Variants in CSRNP1 observed in about 807,000 individuals in gnomAD.
CSRNP1 encodes cysteine/serine-rich nuclear protein 1.
CSRNP1 carries 8 observed loss-of-function variants against 25.0 expected under a neutral mutation model. The ratio of observed to expected loss-of-function variants is 0.32; its 90% confidence interval spans 0.19 to 0.58. The LOEUF is 0.58. CSRNP1 is among the 20% of genes least tolerant of loss of function. CSRNP1 has a pLI of 0.88. For synonymous variants in CSRNP1, 305 were observed against 303.1 expected (o/e 1.01, Z -0.06); for missense variants, 691 against 773.1 (o/e 0.89, Z 1.26).
intron 1 of CSRNP1, 170 bp downstream of exon 1, chr3:39,153,268 C>T (rs2039609732): frequency 1.3e-5 from 2 of 153,318 alleles, no homozygotes; most frequent in Admixed American, 6.5e-5. Context: ...GGGCCCCCGG[C>T]CCCCGACTCC....
rs1252764791 is a variant in CSRNP1, at chr3:39,144,542, A to ACC, written c.466-93_466-92dup. The ACC allele has an allele frequency of 2.4e-6, 3 of 1,270,974 alleles. No homozygotes were observed. In the African/African-American group the frequency reaches 4.6e-5, roughly 19 times the overall value. 78.7% of individuals were successfully genotyped at this position (1,270,974 alleles called of 1,614,324 possible). ...CTAGACAAACCCTCCCCAAGTGCTT[A>ACC]CCCCCCCACTACTCGTGCTTAATCT... On this transcript the variant is annotated intron_variant, in intron 3 of 4. Transcript: ENST00000273153.
intron 1 of CSRNP1, chr3:39,153,157 C>T (rs2039608062): frequency 6.6e-6 from 1 of 152,546 alleles, no homozygotes; most frequent in Non-Finnish European, 1.5e-5. Flanking sequence ...GCAAGCCCGG[C>T]TCTGTCCCCA....
Position 39,143,770 on chromosome 3 carries a change from A to T in CSRNP1, c.1055T>A (p.Met352Lys), listed in dbSNP as rs769511465. The T allele has an allele frequency of 6.2e-7, 1 of 1,614,086 alleles. No individual in the cohort carries two copies. The highest frequency in any genetic ancestry group is 1.1e-5 in the South Asian group (1 of 91,080). ...TGAAGATGCTGTAGAAGAATCAGTCATGTCGCTGCTGCAGCTGTTGTCTCC... is the reference window on the plus strand; with the variant it reads ...TGAAGATGCTGTAGAAGAATCAGTCTTGTCGCTGCTGCAGCTGTTGTCTCC... ...ELGDNSCSSD[M>K]TDSSTASSSA... Residue 352 changes from methionine to lysine, a missense_variant, in exon 5 of 5, where the codon ATG becomes AAG. Met to Lys is a moderately conservative substitution (Grantham distance 95). Coordinates refer to ENST00000273153, the MANE Select transcript of CSRNP1 (RefSeq NM_033027.4).
chr3:39,146,259 C>T (rs1304631966), intron 2 of CSRNP1, among the ~76,000 whole-genome samples: 2 of 152,196 alleles, frequency 1.3e-5, no homozygotes, highest in African/African-American at 4.8e-5. Flanking sequence ...TGCAGAGCTG[C>T]ATCCCGGATG....
In CSRNP1 at chr3:39,145,083, CA is replaced by C; in HGVS notation, c.378del (p.Glu127SerfsTer18). The C allele has an allele frequency of 6.2e-7, 1 of 1,614,286 alleles. No individual in the cohort carries two copies. Among genetic ancestry groups the C allele is most frequent in the African/African-American group, 1.3e-5 (1 of 75,072 alleles). ...GCACGGGCTTGCTCCTGCGCAAACT[CA>C]GCCAAAGAGAAGCGACGGCAAGCAC... ...RHSACRRFSL[A>X]EFAQEQARAR... On this transcript the variant is annotated frameshift_variant, in exon 3 of 5. Transcript: ENST00000273153. LOFTEE classifies it high-confidence loss of function.
intron 1 of CSRNP1, chr3:39,153,127 C>G (rs2039607644): frequency 6.6e-6 from 1 of 152,556 alleles, no homozygotes; most frequent in Admixed American, 6.5e-5. Flanking sequence ...CGCACGCCCC[C>G]GTCGCCTCGC....
At chr3:39,152,936 A>C (rs2039604278) in intron 1 of CSRNP1, 1 of 152,026 alleles carries the variant, frequency 6.6e-6, no homozygotes, top group South Asian at 2.0e-4. Context: ...CTCTACGCTC[A>C]TCCCTCCACT....
intron 1 of CSRNP1, chr3:39,152,111 TG>T (rs2039589427): frequency 1.3e-5 from 2 of 152,562 alleles, no homozygotes; most frequent in South Asian, 4.1e-4. Flanking sequence ...AGTGGGGTGC[TG>T]GGATGGAGGG....
At chr3:39,151,530 C>T (rs1478309977) in intron 1 of CSRNP1, 4 of 152,538 alleles carry the variant, frequency 2.6e-5, no homozygotes, top group African/African-American at 9.6e-5. Flanking sequence ...CAGGCCTCAA[C>T]CCAAGCCAGT....
Position 39,144,271 on chromosome 3 carries a change from C to T in CSRNP1, c.646G>A (p.Val216Met). The change falls in exon 4 of 5, where the codon GTG becomes ATG. Residue 216 changes from valine to methionine, a missense_variant. Coordinates refer to ENST00000273153, the MANE Select transcript of CSRNP1 (RefSeq NM_033027.4). ...TTCTCCTCCCGATCGATCCTTCGCACACCTGAAGCCCTCAGCAGAGCTCGA... is the reference window on the plus strand; with the variant it reads ...TTCTCCTCCCGATCGATCCTTCGCATACCTGAAGCCCTCAGCAGAGCTCGA... ...RRRALLRASG[V>M]RRIDREEKRE... The T allele has an allele frequency of 6.2e-7, 1 of 1,614,198 alleles. No individual in the cohort carries two copies. Among genetic ancestry groups the T allele is most frequent in the Non-Finnish European group, 8.5e-7 (1 of 1,180,038 alleles).
rs555278688 is a variant in CSRNP1, at chr3:39,147,215, G to T, written c.-40-493C>A. On this transcript the variant is annotated intron_variant, in intron 1 of 4. Coordinates refer to ENST00000273153, the MANE Select transcript of CSRNP1 (RefSeq NM_033027.4). ...ACACAGCTTGCATCTGTGTGCCTGT[G>T]TGTGTGTGTGTGTGTGTGTGTATGT... Among the ~76,000 whole-genome samples, 92 of 118,334 alleles carry T rather than the reference G, an allele frequency of 7.8e-4. No homozygotes were observed. The South Asian group carries it at 0.012, about 15-fold the overall frequency. The allele number at this position is 118,334 out of a possible 152,430, so 77.6% of individuals were successfully genotyped here.
In CSRNP1 at chr3:39,145,117, A is replaced by G; in HGVS notation, c.345T>C (p.Leu115=). The change falls in exon 3 of 5, where the codon CTT becomes CTC. Residue 115 remains leucine (L), a synonymous_variant. Transcript: ENST00000273153. ...AGAAGCGACGGCAAGCACTGTGGCG[A>G]AGGGCCATACCCAGAGTACAGCCAC... ...SRGGCTLGMA[L]RHSACRRFSL... is the part of the protein sequence containing the mutation. 1 of 1,614,280 alleles carries G rather than the reference A, an allele frequency of 6.2e-7. No individual in the cohort carries two copies. The highest frequency in any genetic ancestry group is 1.1e-5 in the South Asian group (1 of 91,092).
intron 1 of CSRNP1, among the ~76,000 whole-genome samples, chr3:39,147,211 C>G (rs901115885): frequency 6.7e-6 from 1 of 148,458 alleles, no homozygotes; most frequent in African/African-American, 2.5e-5. Context: ...ATCTGTGTGC[C>G]TGTGTGTGTG....
upstream of CSRNP1, chr3:39,154,346 A>T (rs570466599): frequency 6.6e-6 from 1 of 152,366 alleles, no homozygotes; most frequent in South Asian, 2.1e-4. Context: ...TTGGCCACTT[A>T]AAATGGTCCA....
chr3:39,153,446 C>T lies in CSRNP1; in HGVS notation c.-49G>A, dbSNP rs1460615592. 6.1e-6 allele frequency: 2 copies of T among 330,480 alleles called. No individual in the cohort carries two copies. The highest frequency in any genetic ancestry group is 7.2e-5 in the Admixed American group (2 of 27,712). 20.5% of individuals were successfully genotyped at this position (330,480 alleles called of 1,614,324 possible). A position where few individuals can be genotyped will look rare whatever the true frequency, so the allele number is the denominator to read the frequency against. On this transcript the variant is annotated 5_prime_UTR_variant, in exon 1 of 5. Coordinates refer to ENST00000273153, the MANE Select transcript of CSRNP1 (RefSeq NM_033027.4). Reference sequence around the variant, plus strand: ...GGCCCCTCGGCGCTCACCTGCAATCCGGACGCTCGCGGAGGACAACGACGC... The same window carrying T: ...GGCCCCTCGGCGCTCACCTGCAATCTGGACGCTCGCGGAGGACAACGACGC...
Position 39,146,686 on chromosome 3 carries a change from G to A in CSRNP1, c.-4C>T. The A allele has an allele frequency of 1.3e-6, 2 of 1,558,530 alleles. No homozygotes were observed. ...TCCTCTTCAACAGCCCAGTCATGGT[G>A]GTGCCGGACGTGCTCTGGGGTCTGG... On this transcript the variant is annotated 5_prime_UTR_variant, in exon 2 of 5. Coordinates refer to ENST00000273153, the MANE Select transcript of CSRNP1 (RefSeq NM_033027.4).
At position 39,153,572 on chromosome 3, in the gene CSRNP1, G is replaced by T. The variant is rs893822078; in HGVS notation, c.-175C>A. 13 of 152,972 alleles carry T rather than the reference G, an allele frequency of 8.5e-5. No individual in the cohort carries two copies. The highest frequency in any genetic ancestry group is 3.1e-4 in the African/African-American group (13 of 41,310). 9.5% of individuals were successfully genotyped at this position (152,972 alleles called of 1,614,324 possible). On this transcript the variant is annotated 5_prime_UTR_variant, in exon 1 of 5. Transcript: ENST00000273153. The stretch of plus-strand genomic sequence containing the variant: ...CCCCTCGCTCTGCGCGTCCGGCAGC[G>T]GCGGCGGCGGCGGGAGACTGCCTGC...
At position 39,143,852 on chromosome 3, in the gene CSRNP1, C is replaced by T; in HGVS notation, c.973G>A (p.Glu325Lys). 1 of 1,614,238 alleles carries T rather than the reference C, an allele frequency of 6.2e-7. No homozygotes were observed. Among genetic ancestry groups the T allele is most frequent in the Non-Finnish European group, 8.5e-7 (1 of 1,180,044 alleles). ...GGGAAAGTAGGGACCAGGGCCTCCT[C>T]ACCAGGGCTGGGTGGGCTGCCCTGG... ...PAQGSPPSPGEEALVPTFPLA... is the reference protein window; with the variant it reads ...PAQGSPPSPGKEALVPTFPLA... The change falls in exon 5 of 5, where the codon GAG becomes AAG. Residue 325 changes from glutamate (E) to lysine (K), a missense_variant. Coordinates refer to ENST00000273153, the MANE Select transcript of CSRNP1 (RefSeq NM_033027.4).
In CSRNP1 at chr3:39,142,793, T is replaced by A. The variant is rs1391311375; in HGVS notation, c.*262A>T. 68 of 366,038 alleles carry A rather than the reference T, an allele frequency of 1.9e-4. No homozygotes were observed. Among genetic ancestry groups the A allele is most frequent in the Non-Finnish European group, 9.9e-6 (2 of 202,018 alleles). The allele number at this position is 366,038 out of a possible 1,614,324, so 22.7% of individuals were successfully genotyped here. ...CATTTTCTCCTCTTCCAGGCTCACG[T>A]TGTGGAGATAGAAGAGCAAGCTGTG... On this transcript the variant is annotated 3_prime_UTR_variant, in exon 5 of 5. Transcript: ENST00000273153.
Sources: gnomAD v4.1 joint callset for allele counts (sites outside exome capture counted in the v4.1 genomes callset) on GRCh38, gnomAD v4.1.1 for gene constraint, MANE v1.5 for transcripts, NCBI Gene and HGNC (gene_info 2026-07-23, HGNC 2026-07-21) for gene names.